BLTP1: variants seen among roughly 807,000 people sequenced by gnomAD.
BLTP1 encodes fragile site-associated protein.
At chr4:122,331,137 C>G in the BLTP1 span, 1 of 940,202 alleles carries the variant, frequency 1.1e-6, no homozygotes, top group Admixed American at 6.2e-5. Context: ...TAGCAAATAG[C>G]CTGGCATATA....
chr4:122,290,989 C>A, the BLTP1 span: 1 of 835,190 alleles, frequency 1.2e-6, no homozygotes, highest in Non-Finnish European at 1.4e-6. Context: ...TTCCTAGTAT[C>A]AGACTGTCAG....
the BLTP1 span, chr4:122,362,281 G>A: frequency 6.4e-7 from 1 of 1,554,400 alleles, no homozygotes; most frequent in South Asian, 1.1e-5. Context: ...AATTATGATT[G>A]TGTCTGTTTT....
the BLTP1 span, among the ~76,000 whole-genome samples, chr4:122,259,616 C>T: frequency 2.0e-5 from 3 of 152,150 alleles, no homozygotes; most frequent in South Asian, 6.2e-4. Context: ...AATTCCAGCA[C>T]TTTGGGAGGC....
the BLTP1 span, chr4:122,199,783 A>G: frequency 6.4e-6 from 2 of 314,120 alleles, no homozygotes; most frequent in African/African-American, 4.5e-5. Flanking sequence ...TCTTTAATAT[A>G]TGTTTTCTAG....
the BLTP1 span, among the ~76,000 whole-genome samples, chr4:122,355,285 A>G: frequency 3.3e-5 from 5 of 152,120 alleles, no homozygotes; most frequent in Non-Finnish European, 5.9e-5. Context: ...TAGTTTAATC[A>G]TAGCACATAT....
chr4:122,360,054 C>CT, the BLTP1 span: 1 of 985,160 alleles, frequency 1.0e-6, no homozygotes, highest in African/African-American at 1.7e-5. Context: ...GAGGTAGCTA[C>CT]TGTAAACTGT....
chr4:122,209,874 C>T, the BLTP1 span: 3 of 1,613,456 alleles, frequency 1.9e-6, no homozygotes, highest in East Asian at 2.2e-5. Flanking sequence ...ATTGATTATA[C>T]ATGGCATCCA....
the BLTP1 span, chr4:122,226,866 A>G: frequency 1.3e-6 from 2 of 1,523,360 alleles, no homozygotes; most frequent in Non-Finnish European, 1.8e-6. Context: ...GCAATATTAT[A>G]AACATTTATG....
chr4:122,301,189 A>G, the BLTP1 span: 3 of 1,240,110 alleles, frequency 2.4e-6, no homozygotes, highest in East Asian at 2.7e-5. Flanking sequence ...AGATCTCTGT[A>G]TCAGTGGTCA....
chr4:122,249,607 A>G, the BLTP1 span: 1 of 1,613,726 alleles, frequency 6.2e-7, no homozygotes, highest in South Asian at 1.1e-5. Flanking sequence ...TCCAGATGTA[A>G]CTCGAATAGG....
At chr4:122,283,431 C>T in the BLTP1 span, among the ~76,000 whole-genome samples, 1 of 151,856 alleles carries the variant, frequency 6.6e-6, no homozygotes, top group East Asian at 1.9e-4. Context: ...TCTCTTTGTA[C>T]CAGTATCATG....
chr4:122,215,659 T>G, the BLTP1 span: 1 of 654,728 alleles, frequency 1.5e-6, no homozygotes, highest in African/African-American at 2.0e-5. Flanking sequence ...AGGGGAGAAC[T>G]ACTGCTTTGA....
the BLTP1 span, among the ~76,000 whole-genome samples, chr4:122,314,662 A>T: frequency 6.6e-6 from 1 of 152,150 alleles, no homozygotes; most frequent in Non-Finnish European, 1.5e-5. Context: ...GCCTAGCCTT[A>T]GTGCTCATCC....
At chr4:122,264,442 T>C in the BLTP1 span, 1 of 1,579,398 alleles carries the variant, frequency 6.3e-7, no homozygotes, top group Non-Finnish European at 8.6e-7. Context: ...GCCAGCCTGC[T>C]TTTTCCTAAT....
At chr4:122,328,570 A>G in the BLTP1 span, 2 of 795,482 alleles carry the variant, frequency 2.5e-6, no homozygotes, top group Non-Finnish European at 3.0e-6. Context: ...TTTTAAATTT[A>G]AATTTTTTTT....
the BLTP1 span, among the ~76,000 whole-genome samples, chr4:122,335,516 A>C: frequency 6.6e-6 from 1 of 152,126 alleles, no homozygotes; most frequent in Non-Finnish European, 1.5e-5. Context: ...TGATATATAA[A>C]CCTTTTAAAA....
the BLTP1 span, among the ~76,000 whole-genome samples, chr4:122,302,965 A>C: frequency 6.6e-6 from 1 of 152,214 alleles, no homozygotes; most frequent in Non-Finnish European, 1.5e-5. Flanking sequence ...TCTTCATAAC[A>C]TAAAAGTGCA....
At chr4:122,277,798 A>C in the BLTP1 span, 1 of 829,386 alleles carries the variant, frequency 1.2e-6, no homozygotes, top group Non-Finnish European at 1.5e-6. Context: ...AGATTTTAAG[A>C]AGTATAGTGA....
At chr4:122,174,823 T>C in the BLTP1 span, among the ~76,000 whole-genome samples, 1 of 152,152 alleles carries the variant, frequency 6.6e-6, no homozygotes, top group East Asian at 1.9e-4. Flanking sequence ...AAATATTTTG[T>C]CAGTGGATTA....
Sources: gnomAD v4.1 joint callset for allele counts (sites outside exome capture counted in the v4.1 genomes callset) on GRCh38, gnomAD v4.1.1 for gene constraint, MANE v1.5 for transcripts, NCBI Gene and HGNC (gene_info 2026-07-23, HGNC 2026-07-21) for gene names.